Variants in ZNF532 observed in about 807,000 individuals in gnomAD.
ZNF532 encodes zinc finger protein 532.
ZNF532 carries 22 observed loss-of-function variants against 89.3 expected under a neutral mutation model. That is an observed-to-expected ratio of 0.25 (90% CI 0.18 to 0.35). The LOEUF is 0.35. Among genes scored for constraint, ZNF532 ranks in the 10% least tolerant of loss-of-function variants. ZNF532 has a pLI of 1.00. For missense variants in ZNF532, 1,132 were observed against 1,643.4 expected (o/e 0.69, Z 5.38); for synonymous variants, 606 against 649.6 (o/e 0.93, Z 1.02).
At chr18:58,914,757 A>G (rs2060490200) in intron 2 of ZNF532, among the ~76,000 whole-genome samples, 1 of 152,228 alleles carries the variant, frequency 6.6e-6, no homozygotes, top group Admixed American at 6.5e-5. Context: ...TAAGTGAAAG[A>G]CATTGTTAAA....
At chr18:58,981,423 C>A in intron 8 of ZNF532, 47 bp from the exon 9 acceptor site, 1 of 1,592,272 alleles carries the variant, frequency 6.3e-7, no homozygotes. Context: ...TCCACAGGAG[C>A]TTATTTTGTC....
At chr18:58,891,359 A>C (rs577439936) in intron 2 of ZNF532, among the ~76,000 whole-genome samples, 1 of 152,132 alleles carries the variant, frequency 6.6e-6, no homozygotes, top group African/African-American at 2.4e-5. Context: ...GCGAAACCCT[A>C]TCTCTACTAA....
At chr18:58,870,028 A>C (rs2144556901) in intron 2 of ZNF532, among the ~76,000 whole-genome samples, 1 of 144,318 alleles carries the variant, frequency 6.9e-6, no homozygotes, top group East Asian at 2.0e-4. Flanking sequence ...AACCTCCCAG[A>C]GTGCTGGGAT....
At chr18:58,875,970 T>C (rs1294213103) in intron 2 of ZNF532, among the ~76,000 whole-genome samples, 1 of 147,530 alleles carries the variant, frequency 6.8e-6, no homozygotes, top group African/African-American at 2.5e-5. Context: ...TCTCGCTCTG[T>C]CGCCCAGGCT....
intron 7 of ZNF532, among the ~76,000 whole-genome samples, chr18:58,962,224 TAA>T (rs756921719): frequency 2.1e-5 from 3 of 139,580 alleles, no homozygotes; most frequent in Admixed American, 7.2e-5. Context: ...AGACTCTGTC[TAA>T]AAAAAAAAAA....
chr18:58,888,948 C>G (rs1451431259), intron 2 of ZNF532, among the ~76,000 whole-genome samples: 1 of 110,938 alleles, frequency 9.0e-6, no homozygotes, highest in Non-Finnish European at 1.7e-5. Flanking sequence ...ATCCGTAATG[C>G]TTGGGACCAG....
In ZNF532 at chr18:58,865,505, T is replaced by G. The variant is rs2056374108; in HGVS notation, c.-92T>G. ...TGGGGCTGCTTTTAACCCTTTCCTA[T>G]TTGCTGAGAATGCAGCCGTGTGACA... On this transcript the variant is annotated 5_prime_UTR_variant, in exon 2 of 10. Transcript: ENST00000591808. 1 of 153,096 alleles carries G rather than the reference T, an allele frequency of 6.5e-6. No homozygotes were observed. The highest frequency in any genetic ancestry group is 2.4e-5 in the African/African-American group (1 of 41,446). The allele number at this position is 153,096 out of a possible 1,614,324, so 9.5% of individuals were successfully genotyped here. A position where few individuals can be genotyped will look rare whatever the true frequency, so the allele number is the denominator to read the frequency against.
chr18:58,971,172 A>G (rs1465695559), intron 7 of ZNF532, among the ~76,000 whole-genome samples: 1 of 152,218 alleles, frequency 6.6e-6, no homozygotes, highest in Admixed American at 6.5e-5. Context: ...CATAGTGGTA[A>G]GCACACGTTG....
rs1555740464 is a variant in ZNF532, at chr18:58,942,357, T to TCCTTCCTCCCTCCCTC, written c.2705+2743_2705+2744insCCCTCCCTCCCTTCCT. Among the ~76,000 whole-genome samples the TCCTTCCTCCCTCCCTC allele has an allele frequency of 7.9e-4, 37 of 46,860 alleles. 1 individual carries two copies. The highest frequency in any genetic ancestry group is 3.7e-3 in the African/African-American group (26 of 6,980). The allele number at this position is 46,860 out of a possible 152,430, so 30.7% of individuals were successfully genotyped here. A position where few individuals can be genotyped will look rare whatever the true frequency, so the allele number is the denominator to read the frequency against. ...TCCCTCCCTCCCTCCCTCCCTTCCT[T>TCCTTCCTCCCTCCCTC]CCTTCCTTCCTTCCTTCCTTCCTTC... is the stretch of plus-strand genomic sequence containing the variant. On this transcript the variant is annotated intron_variant, in intron 5 of 9. Transcript: ENST00000591808.
chr18:58,934,560 T>C lies in ZNF532; in HGVS notation c.2474T>C (p.Phe825Ser). The C allele has an allele frequency of 6.2e-7, 1 of 1,614,164 alleles. No individual in the cohort carries two copies. Among genetic ancestry groups the C allele is most frequent in the Non-Finnish European group, 8.5e-7 (1 of 1,180,026 alleles). The part of the protein sequence containing the change: ...ECGAICRSVH[F>S]QTHVTKNCLH... ...GGGGCCATCTGCAGGTCGGTGCACTTCCAGACCCACGTCACCAAGAACTGT... is the reference window on the plus strand; with the variant it reads ...GGGGCCATCTGCAGGTCGGTGCACTCCCAGACCCACGTCACCAAGAACTGT... Residue 825 changes from phenylalanine (F) to serine (S), a missense_variant, in exon 4 of 10, where the codon TTC becomes TCC. By Grantham distance (155) the Phe-to-Ser change is radical (BLOSUM62 -2). Coordinates refer to ENST00000591808, the MANE Select transcript of ZNF532 (RefSeq NM_001375912.1).
chr18:58,874,005 A>G (rs1416719348), intron 2 of ZNF532, among the ~76,000 whole-genome samples: 1 of 121,132 alleles, frequency 8.3e-6, no homozygotes, highest in Non-Finnish European at 1.7e-5. Context: ...AGTGTTTAGC[A>G]GAATATGTGG....
At chr18:58,915,211 G>A (rs563464608) in intron 2 of ZNF532, among the ~76,000 whole-genome samples, 2 of 152,292 alleles carry the variant, frequency 1.3e-5, no homozygotes, top group South Asian at 2.1e-4. Context: ...CAGTGATCTC[G>A]GGTTTCAGAC....
intron 2 of ZNF532, among the ~76,000 whole-genome samples, chr18:58,876,845 C>G (rs1352786511): frequency 6.6e-6 from 1 of 152,152 alleles, no homozygotes; most frequent in Non-Finnish European, 1.5e-5. Context: ...GGGAAGATCA[C>G]TTGAGGCCAA....
chr18:58,934,711 G>A (rs764298510), intron 4 of ZNF532, 97 bp downstream of exon 4: 125 of 1,200,516 alleles, frequency 1.0e-4, no homozygotes, highest in Non-Finnish European at 1.4e-4. Flanking sequence ...TGGGTCATAC[G>A]GTGATACCTC....
At chr18:58,934,267 C>T (rs1035114950) in intron 3 of ZNF532, 166 bp from the exon 4 acceptor site, 12 of 604,130 alleles carry the variant, frequency 2.0e-5, no homozygotes, top group African/African-American at 1.1e-4. Flanking sequence ...GAGAATTGTA[C>T]GCTGGACATG....
chr18:58,905,538 T>C (rs1276003489), intron 2 of ZNF532, among the ~76,000 whole-genome samples: 1 of 152,108 alleles, frequency 6.6e-6, no homozygotes, highest in African/African-American at 2.4e-5. Context: ...TAGCTGGGAC[T>C]ATAGGTGTGC....
At chr18:58,897,289 G>T (rs2059313011) in intron 2 of ZNF532, among the ~76,000 whole-genome samples, 2 of 152,242 alleles carry the variant, frequency 1.3e-5, no homozygotes, top group East Asian at 3.9e-4. Context: ...AGCTCCCCCT[G>T]CTGCCTTCCC....
intron 4 of ZNF532, among the ~76,000 whole-genome samples, chr18:58,938,248 G>A (rs2062639199): frequency 2.0e-5 from 3 of 152,184 alleles, no homozygotes; most frequent in Admixed American, 6.5e-5. Context: ...TGTATTAGAG[G>A]TAAATTTCTG....
At chr18:58,942,345 CCCTCCCTTCCTTCCTTCCTTCCTT>C (rs1432310052) in intron 5 of ZNF532, among the ~76,000 whole-genome samples, 1,481 of 74,696 alleles carry the variant, frequency 0.02, 72 homozygotes, top group Middle Eastern at 0.041. Context: ...CTCCCTCCCT[CCCTCCCTTCCTTCCTTCCTTCCTT>C]CCTTCCTTCC....
Sources: allele counts gnomAD v4.1 joint callset (sites outside exome capture counted in the v4.1 genomes callset), GRCh38; gene constraint gnomAD v4.1.1; transcripts MANE v1.5; gene names NCBI Gene and HGNC (gene_info 2026-07-23, HGNC 2026-07-21).